The following CDH13 variants were observed in gnomAD, a reference collection of about 807,000 sequenced individuals.
The protein encoded by CDH13 is cadherin-13.
Under a neutral mutation model 63.8 loss-of-function variants are expected in CDH13, and 24 were observed. The observed-to-expected ratio is 0.38, with a 90% CI of 0.27 to 0.53. The LOEUF (loss-of-function observed/expected upper bound fraction) is 0.53, where lower values mean the gene tolerates loss of function less well. Ranked by LOEUF, CDH13 falls within the 20% of genes least tolerant of loss-of-function variation. The pLI is 0.85. For missense variants in CDH13, 1,049 were observed against 903.1 expected (o/e 1.16, Z -2.07); for synonymous variants, 503 against 355.3 (o/e 1.42, Z -4.67).
At chr16:83,537,619 G>T (rs2075219390) in intron 7 of CDH13, among the ~76,000 whole-genome samples, 1 of 148,018 alleles carries the variant, frequency 6.8e-6, no homozygotes, top group Non-Finnish European at 1.5e-5. Context: ...TAAGACAGAA[G>T]CTTCTTAGAC....
chr16:83,507,312 A>C (rs1264792845), intron 7 of CDH13, among the ~76,000 whole-genome samples: 1 of 152,248 alleles, frequency 6.6e-6, no homozygotes, highest in Non-Finnish European at 1.5e-5. Flanking sequence ...GCATTCTTCA[A>C]AGAGGTATTG....
chr16:83,512,370 A>AAATG (rs1479307322), intron 7 of CDH13, among the ~76,000 whole-genome samples: 1 of 133,252 alleles, frequency 7.5e-6, no homozygotes, highest in African/African-American at 2.8e-5. Flanking sequence ...ATAAATAAAT[A>AAATG]AAATAAAAAT....
chr16:83,168,289 A>T (rs1037777084), intron 4 of CDH13, among the ~76,000 whole-genome samples: 2 of 152,094 alleles, frequency 1.3e-5, no homozygotes, highest in Middle Eastern at 3.2e-3. Context: ...GGTGTTAAGT[A>T]CCATCCAATG....
intron 4 of CDH13, among the ~76,000 whole-genome samples, chr16:83,147,580 C>G (rs2036804457): frequency 6.6e-6 from 1 of 152,176 alleles, no homozygotes. Flanking sequence ...TCCCAACATC[C>G]CTCAGGAACA....
intron 10 of CDH13, chr16:83,729,129 T>G (rs1254436368): frequency 6.6e-6 from 1 of 152,158 alleles, no homozygotes; most frequent in Non-Finnish European, 1.5e-5. Context: ...CTCCAAGTAC[T>G]GCCACAATGG....
chr16:83,162,245 A>G (rs1397195004), intron 4 of CDH13, among the ~76,000 whole-genome samples: 3 of 152,098 alleles, frequency 2.0e-5, no homozygotes. Flanking sequence ...GAAAATTTTC[A>G]TCACCATTGT....
At chr16:83,213,881 C>T (rs2039412976) in intron 4 of CDH13, among the ~76,000 whole-genome samples, 1 of 151,888 alleles carries the variant, frequency 6.6e-6, no homozygotes, top group African/African-American at 2.4e-5. Context: ...CTGTAGCTAC[C>T]TAGAGGTTTG....
chr16:83,018,399 A>G (rs1915018783), intron 2 of CDH13, among the ~76,000 whole-genome samples: 1 of 152,176 alleles, frequency 6.6e-6, no homozygotes, highest in Non-Finnish European at 1.5e-5. Context: ...TGATGTTTTT[A>G]ATGGGTTAAT....
At chr16:83,770,047 T>C (rs1041304442) in intron 11 of CDH13, among the ~76,000 whole-genome samples, 2 of 152,106 alleles carry the variant, frequency 1.3e-5, no homozygotes, top group African/African-American at 4.8e-5. Context: ...GCAATTCCCG[T>C]CAACCCTGTG....
At chr16:82,714,734 A>T (rs1287194245) in intron 1 of CDH13, among the ~76,000 whole-genome samples, 2 of 137,614 alleles carry the variant, frequency 1.5e-5, no homozygotes, top group Non-Finnish European at 3.1e-5. Flanking sequence ...AAAAAAAAAA[A>T]AAAAAGACAC....
chr16:83,635,219 T>C, intron 8 of CDH13, among the ~76,000 whole-genome samples: 1 of 152,190 alleles, frequency 6.6e-6, no homozygotes, highest in East Asian at 1.9e-4. Context: ...CATGTGCTTA[T>C]TTGCCGTCAG....
chr16:83,007,782 C>G (rs1913691958), intron 2 of CDH13, among the ~76,000 whole-genome samples: 2 of 150,984 alleles, frequency 1.3e-5, no homozygotes, highest in Non-Finnish European at 2.9e-5. Context: ...TAAGATCACA[C>G]CACTGCACTC....
intron 1 of CDH13, among the ~76,000 whole-genome samples, chr16:82,779,479 G>A (rs1247406213): frequency 6.6e-6 from 1 of 152,190 alleles, no homozygotes; most frequent in Non-Finnish European, 1.5e-5. Flanking sequence ...TGGGACAAGA[G>A]AAATCTGAAC....
At chr16:83,050,874 C>T (rs1280967265) in intron 3 of CDH13, among the ~76,000 whole-genome samples, 1 of 152,074 alleles carries the variant, frequency 6.6e-6, no homozygotes, top group Admixed American at 6.5e-5. Context: ...TTCCCATGCA[C>T]CTGAACCCAC....
chr16:83,518,566 G>A (rs930743192), intron 7 of CDH13, among the ~76,000 whole-genome samples: 3 of 149,206 alleles, frequency 2.0e-5, no homozygotes, highest in Non-Finnish European at 3.0e-5. Context: ...TCCGCCTCCC[G>A]GGTTCACGGC....
At chr16:83,160,427 C>G (rs2037397732) in intron 4 of CDH13, among the ~76,000 whole-genome samples, 1 of 152,074 alleles carries the variant, frequency 6.6e-6, no homozygotes, top group Non-Finnish European at 1.5e-5. Context: ...GTCATAGAGA[C>G]AGACCTATGG....
At chr16:83,007,068 C>T (rs1913600350) in intron 2 of CDH13, among the ~76,000 whole-genome samples, 1 of 152,072 alleles carries the variant, frequency 6.6e-6, no homozygotes, top group African/African-American at 2.4e-5. Flanking sequence ...GGATTACAGG[C>T]ATGCACCACG....
At chr16:83,058,483 G>T (rs533664626) in intron 3 of CDH13, among the ~76,000 whole-genome samples, 70 of 152,236 alleles carry the variant, frequency 4.6e-4, no homozygotes, top group Middle Eastern at 6.8e-3. Flanking sequence ...TGACCTCACT[G>T]ATGACAGGGG....
intron 6 of CDH13, among the ~76,000 whole-genome samples, chr16:83,391,331 G>A (rs912452675): frequency 3.3e-5 from 5 of 151,640 alleles, no homozygotes; most frequent in Admixed American, 1.3e-4. Context: ...TCAGCCTCCC[G>A]AGTAGCTGGG....
Sources: gnomAD v4.1 joint callset for allele counts (sites outside exome capture counted in the v4.1 genomes callset) on GRCh38, gnomAD v4.1.1 for gene constraint, MANE v1.5 for transcripts, NCBI Gene and HGNC (gene_info 2026-07-23, HGNC 2026-07-21) for gene names.